The following MYO5C variants were observed in gnomAD, a reference collection of about 807,000 sequenced individuals.
The protein encoded by MYO5C is myosin VC, also known as unconventional myosin-Vc.
MYO5C carries 194 observed loss-of-function variants against 235.7 expected under a neutral mutation model. That is an observed-to-expected ratio of 0.82 (90% CI 0.73 to 0.93). The LOEUF is 0.93. MYO5C is among the 40% of genes least tolerant of loss of function. MYO5C has a pLI of 0.00. For missense variants in MYO5C, 2,038 were observed against 2,127.2 expected, an observed-to-expected ratio of 0.96 and a Z score of 0.82; for synonymous variants, 707 against 754.8, an observed-to-expected ratio of 0.94 and a Z score of 1.04.
intron 38 of MYO5C, among the ~76,000 whole-genome samples, chr15:52,198,761 T>C (rs1193540270): frequency 1.3e-5 from 2 of 152,058 alleles, no homozygotes; most frequent in Non-Finnish European, 2.9e-5. Flanking sequence ...TTTGTATTTT[T>C]AGTAGAGATG....
chr15:52,195,850 G>A (rs1259866698), intron 39 of MYO5C, among the ~76,000 whole-genome samples: 1 of 151,722 alleles, frequency 6.6e-6, no homozygotes, highest in Non-Finnish European at 1.5e-5. Context: ...CCAGGCTGGG[G>A]TGCAGTGGCA....
At chr15:52,197,436 A>C (rs1162277757) in intron 38 of MYO5C, among the ~76,000 whole-genome samples, 1 of 152,226 alleles carries the variant, frequency 6.6e-6, no homozygotes, top group Non-Finnish European at 1.5e-5. Flanking sequence ...GAATAGGCAA[A>C]ATCTGTAGAG....
chr15:52,229,091 G>A, intron 25 of MYO5C, 42 bp downstream of exon 25: 1 of 1,607,596 alleles, frequency 6.2e-7, no homozygotes, highest in South Asian at 1.1e-5. Context: ...GCAATCAAAT[G>A]ACGTAACCAG....
chr15:52,271,728 A>C (rs758910904), intron 7 of MYO5C, 35 bp downstream of exon 7: 1 of 1,289,350 alleles, frequency 7.8e-7, no homozygotes, highest in Non-Finnish European at 1.1e-6. Context: ...CCCTCCATAA[A>C]AGAGAGACCC....
In MYO5C at chr15:52,237,483, T is replaced by A. The variant is rs1255643760; in HGVS notation, c.2867A>T (p.Glu956Val). The change falls in exon 22 of 41, where the codon GAG (glutamate) becomes GTG (valine). Residue 956 changes from glutamate (E) to valine (V), a missense_variant and splice_region_variant. Transcript: ENST00000261839. ...KGKRYRDAVE[E>V]KLAKLQKHNS... is the part of the protein sequence containing the mutation. ...CCGTCTCACACGCCCGCAGCTGACC[T>A]CTTCCACAGCATCCCTGTATCTCTT... 1 of 1,613,812 alleles carries A rather than the reference T, an allele frequency of 6.2e-7. No homozygotes were observed. Among genetic ancestry groups the A allele is most frequent in the South Asian group, 1.1e-5 (1 of 90,996 alleles).
At chr15:52,290,812 G>A (rs538431268) in intron 1 of MYO5C, among the ~76,000 whole-genome samples, 1 of 151,916 alleles carries the variant, frequency 6.6e-6, no homozygotes, top group Non-Finnish European at 1.5e-5. Context: ...AGAAACGCTG[G>A]GCACTAAACA....
chr15:52,276,028 C>G (rs1295714556), intron 4 of MYO5C, among the ~76,000 whole-genome samples: 1 of 152,134 alleles, frequency 6.6e-6, no homozygotes, highest in African/African-American at 2.4e-5. Context: ...AGGATTTTTG[C>G]TTTTAAACTC....
chr15:52,225,074 C>T lies in MYO5C; in HGVS notation c.3365+1G>A, dbSNP rs1260358622. 2.7e-5 allele frequency: 44 copies of T among 1,613,902 alleles called. No individual in the cohort carries two copies. Among genetic ancestry groups the T allele is most frequent in the Non-Finnish European group, 3.6e-5 (42 of 1,179,972 alleles). ...ATGTTTGATAATGCAAAAATGATTA[C>T]CTGCTTCTTACATCTTCAATGTCAT... On this transcript the variant is annotated splice_donor_variant, in intron 27 of 40. Transcript: ENST00000261839. LOFTEE classifies it high-confidence loss of function.
intron 7 of MYO5C, among the ~76,000 whole-genome samples, chr15:52,270,503 G>A (rs563618480): frequency 3.3e-5 from 5 of 151,918 alleles, no homozygotes; most frequent in Admixed American, 6.6e-5. Flanking sequence ...TAACACGTAC[G>A]ATTTGATGAA....
At chr15:52,204,790 G>C in intron 38 of MYO5C, 75 bp downstream of exon 38, 1 of 1,521,836 alleles carries the variant, frequency 6.6e-7, no homozygotes, top group Non-Finnish European at 8.8e-7. Context: ...GGAGGGTCAG[G>C]CGCGTGGGGC....
chr15:52,236,173 G>A (rs1596173670), intron 22 of MYO5C, among the ~76,000 whole-genome samples: 1 of 152,354 alleles, frequency 6.6e-6, no homozygotes, highest in East Asian at 1.9e-4. Flanking sequence ...AAGGATGTGT[G>A]AGCACAGCAG....
intron 38 of MYO5C, among the ~76,000 whole-genome samples, chr15:52,203,181 C>T (rs1197016564): frequency 6.6e-6 from 1 of 151,988 alleles, no homozygotes; most frequent in Non-Finnish European, 1.5e-5. Context: ...ACCTCGACCT[C>T]CCAAAGTCCT....
intron 38 of MYO5C, among the ~76,000 whole-genome samples, chr15:52,203,807 A>C (rs1019672709): frequency 6.6e-6 from 1 of 152,014 alleles, no homozygotes; most frequent in Non-Finnish European, 1.5e-5. Context: ...GCCTCTGGTA[A>C]CCATCCTTCT....
chr15:52,270,764 T>C (rs930000607), intron 7 of MYO5C, among the ~76,000 whole-genome samples: 2 of 152,092 alleles, frequency 1.3e-5, no homozygotes, highest in African/African-American at 4.8e-5. Context: ...CTTCTGCAGG[T>C]TCACTATTCA....
At chr15:52,196,132 A>G (rs183481509) in intron 39 of MYO5C, among the ~76,000 whole-genome samples, 177 bp downstream of exon 39, 294 of 151,910 alleles carry the variant, frequency 1.9e-3, no homozygotes, top group African/African-American at 6.9e-3. Flanking sequence ...TTTAAGACCT[A>G]GTGTTAGTAT....
chr15:52,207,236 A>C (rs1249813036), intron 36 of MYO5C, among the ~76,000 whole-genome samples: 1 of 152,208 alleles, frequency 6.6e-6, no homozygotes, highest in Non-Finnish European at 1.5e-5. Flanking sequence ...GTAACTGAAA[A>C]AGCAGTCAGA....
In MYO5C at chr15:52,205,856, T is replaced by C; in HGVS notation, c.4497A>G (p.Gln1499=). 2 of 1,589,714 alleles carry C rather than the reference T, an allele frequency of 1.3e-6. No individual in the cohort carries two copies. The highest frequency in any genetic ancestry group is 1.7e-6 in the Non-Finnish European group (2 of 1,164,478). The change falls in exon 37 of 41, where the codon CAA becomes CAG. Residue 1499 remains glutamine, a synonymous_variant. Transcript: ENST00000261839. ...TATTCTTTTCCATTATGATAATAAA[T>C]TGATGATATATTCGTATAGCCACAT... ...LSDVAIRIYH[Q]FIIIMEKNIQ...
At chr15:52,200,549 A>G (rs2035164312) in intron 38 of MYO5C, among the ~76,000 whole-genome samples, 1 of 105,076 alleles carries the variant, frequency 9.5e-6, no homozygotes, top group Admixed American at 1.3e-4. Flanking sequence ...TGGGTAACTA[A>G]ATAATAATAA....
chr15:52,282,748 C>T lies in MYO5C; in HGVS notation c.138+34G>A, dbSNP rs2140861861. On this transcript the variant is annotated intron_variant, in intron 2 of 40. Transcript: ENST00000261839. ...CACACACCCCAGCTACCGCTTTACA[C>T]ATCGACGTAGCTGTGAACAGCAAGG... The T allele has an allele frequency of 2.8e-6, 4 of 1,426,982 alleles. No homozygotes were observed. In the East Asian group the frequency reaches 6.8e-5, roughly 24 times the overall value. The allele number at this position is 1,426,982 out of a possible 1,614,324, so 88.4% of individuals were successfully genotyped here. A position where few individuals can be genotyped will look rare whatever the true frequency, so the allele number is the denominator to read the frequency against.
Sources: allele counts gnomAD v4.1 joint callset (sites outside exome capture counted in the v4.1 genomes callset), GRCh38; gene constraint gnomAD v4.1.1; transcripts MANE v1.5; gene names NCBI Gene and HGNC (gene_info 2026-07-23, HGNC 2026-07-21).